The following NARS2 variants were observed in gnomAD, a reference collection of about 807,000 sequenced individuals.
NARS2 encodes asparaginyl-tRNA synthetase.
Under a neutral mutation model 62.9 loss-of-function variants are expected in NARS2, and 60 were observed. That is an observed-to-expected ratio of 0.95 (90% confidence interval 0.77 to 1.18). The LOEUF (loss-of-function observed/expected upper bound fraction) is 1.18, where lower values mean the gene tolerates loss of function less well. Among genes scored for constraint, NARS2 ranks in the 50% most tolerant of loss-of-function variants. The probability of loss-of-function intolerance (pLI) is 0.00; values close to 1 mark genes in which losing one functional copy is unlikely to be tolerated. For missense variants in NARS2, 619 were observed against 576.4 expected, an observed-to-expected ratio of 1.07 and a Z score of -0.76; for synonymous variants, 196 against 200.0, an observed-to-expected ratio of 0.98 and a Z score of 0.17.
intron 9 of NARS2, among the ~76,000 whole-genome samples, chr11:78,471,307 G>A (rs545881744): frequency 7.9e-5 from 12 of 152,164 alleles, no homozygotes; most frequent in Admixed American, 1.3e-4. Context: ...AGCTTTTAAC[G>A]GCTAAGATAA....
rs758781275 is a variant in NARS2, at chr11:78,504,434, GTTT to G, written c.690-11242_690-11240del. Among the ~76,000 whole-genome samples, 103 of 61,432 alleles carry G rather than the reference GTTT, an allele frequency of 1.7e-3. 3 individuals carry two copies. The highest frequency in any genetic ancestry group is 4.9e-3 in the South Asian group (8 of 1,648). 40.3% of individuals were successfully genotyped at this position (61,432 alleles called of 152,430 possible). On this transcript the variant is annotated intron_variant, in intron 6 of 13. Transcript: ENST00000281038. Reference sequence around the variant, plus strand: ...ACCTGTTTCATGTGGCAAAACACCAGTTTTTTTTTTTTTTTTTTTTTTCTGTGT... The same window carrying G: ...ACCTGTTTCATGTGGCAAAACACCAGTTTTTTTTTTTTTTTTTTTCTGTGT...
chr11:78,527,783 A>C (rs996265124), intron 6 of NARS2, among the ~76,000 whole-genome samples: 2 of 152,202 alleles, frequency 1.3e-5, no homozygotes, highest in Non-Finnish European at 2.9e-5. Flanking sequence ...ATACATAAAG[A>C]AAACTCAGTA....
chr11:78,524,299 T>C (rs1405947833), intron 6 of NARS2, among the ~76,000 whole-genome samples: 2 of 151,998 alleles, frequency 1.3e-5, no homozygotes, highest in East Asian at 3.8e-4. Flanking sequence ...CTCTGCAGAG[T>C]TGTCAGATCA....
intron 4 of NARS2, among the ~76,000 whole-genome samples, chr11:78,565,375 A>C (rs1372273708): frequency 6.6e-6 from 1 of 152,216 alleles, no homozygotes; most frequent in Admixed American, 6.5e-5. Context: ...AAACCTCATG[A>C]AACAATAGTT....
chr11:78,499,677 T>C (rs978192615), intron 6 of NARS2, among the ~76,000 whole-genome samples: 1 of 152,178 alleles, frequency 6.6e-6, no homozygotes, highest in Non-Finnish European at 1.5e-5. Flanking sequence ...AAATTAACTA[T>C]AACATTACTA....
At chr11:78,559,769 G>T (rs1455404045) in intron 4 of NARS2, 150 bp from the exon 5 acceptor site, 1 of 570,692 alleles carries the variant, frequency 1.8e-6, no homozygotes, top group Non-Finnish European at 3.1e-6. Context: ...CTGAAAATCA[G>T]TTGAGTGTTT....
At chr11:78,539,478 G>T (rs1267095398) in intron 5 of NARS2, among the ~76,000 whole-genome samples, 4 of 152,134 alleles carry the variant, frequency 2.6e-5, no homozygotes, top group East Asian at 3.8e-4. Context: ...AAATCAAGAG[G>T]TTTATTTAAT....
intron 4 of NARS2, among the ~76,000 whole-genome samples, chr11:78,564,314 G>C (rs1856666667): frequency 6.6e-6 from 1 of 152,118 alleles, no homozygotes. Flanking sequence ...TCCTGCCTCA[G>C]CTTCCTGAGT....
At chr11:78,469,350 T>C (rs777355564) in intron 9 of NARS2, 37 bp from the exon 10 acceptor site, 23 of 1,495,400 alleles carry the variant, frequency 1.5e-5, no homozygotes, top group South Asian at 9.0e-5. Context: ...GAAAAGTCAA[T>C]ACAATGGAGC....
chr11:78,556,036 G>C (rs954588306), intron 5 of NARS2, among the ~76,000 whole-genome samples: 2 of 152,184 alleles, frequency 1.3e-5, no homozygotes, highest in Admixed American at 1.3e-4. Flanking sequence ...TGTGGTCTGA[G>C]AGTGTGTTTG....
At chr11:78,484,718 A>G (rs1167561265) in intron 7 of NARS2, among the ~76,000 whole-genome samples, 1 of 152,248 alleles carries the variant, frequency 6.6e-6, no homozygotes, top group Non-Finnish European at 1.5e-5. Context: ...GGCAATTATT[A>G]AGAAGTCAGG....
chr11:78,493,513 C>G (rs755817611), intron 6 of NARS2, among the ~76,000 whole-genome samples: 4 of 151,914 alleles, frequency 2.6e-5, no homozygotes, highest in Non-Finnish European at 4.4e-5. Context: ...TTTAAAATAG[C>G]TAGGTGTGAT....
chr11:78,541,753 T>C (rs776073277), intron 5 of NARS2, among the ~76,000 whole-genome samples: 29 of 152,158 alleles, frequency 1.9e-4, no homozygotes, highest in Non-Finnish European at 3.7e-4. Context: ...GAACTAAATC[T>C]GTCATACAGT....
intron 6 of NARS2, among the ~76,000 whole-genome samples, chr11:78,494,533 A>C (rs1859976344): frequency 6.6e-6 from 1 of 150,952 alleles, no homozygotes; most frequent in African/African-American, 2.4e-5. Flanking sequence ...TATGGTGAAA[A>C]CCAAGAGATT....
At chr11:78,562,052 A>C (rs1396116733) in intron 4 of NARS2, among the ~76,000 whole-genome samples, 7 of 152,124 alleles carry the variant, frequency 4.6e-5, no homozygotes, top group Admixed American at 4.6e-4. Context: ...AAAACAAAAA[A>C]CAAAAAACAA....
chr11:78,512,826 G>A (rs947777544), intron 6 of NARS2, among the ~76,000 whole-genome samples: 23 of 152,012 alleles, frequency 1.5e-4, no homozygotes, highest in Admixed American at 4.6e-4. Context: ...TCACAAATAT[G>A]GGATACATAA....
At chr11:78,560,408 T>C (rs1336602304) in intron 4 of NARS2, among the ~76,000 whole-genome samples, 1 of 152,268 alleles carries the variant, frequency 6.6e-6, no homozygotes, top group Admixed American at 6.5e-5. Flanking sequence ...AGGTTATGCT[T>C]CTTTCATTTT....
intron 9 of NARS2, among the ~76,000 whole-genome samples, chr11:78,477,411 G>C (rs1361638438): frequency 5.3e-5 from 8 of 152,050 alleles, no homozygotes; most frequent in Non-Finnish European, 8.8e-5. Context: ...TCAGTTAATA[G>C]CAACTTCATT....
At chr11:78,522,083 G>A (rs945065142) in intron 6 of NARS2, among the ~76,000 whole-genome samples, 16 of 150,592 alleles carry the variant, frequency 1.1e-4, no homozygotes, top group African/African-American at 3.4e-4. Context: ...ATCGCAAGTA[G>A]TTTGGAATAC....
Sources: allele counts gnomAD v4.1 joint callset (sites outside exome capture counted in the v4.1 genomes callset), GRCh38; gene constraint gnomAD v4.1.1; transcripts MANE v1.5; gene names NCBI Gene and HGNC (gene_info 2026-07-23, HGNC 2026-07-21).